LPP: variants seen among roughly 807,000 people sequenced by gnomAD.
LPP encodes LIM domain containing preferred translocation partner in lipoma.
In LPP, 38 loss-of-function variants were observed where a neutral mutation model predicts 60.4. The observed-to-expected ratio is 0.63, with a 90% CI of 0.49 to 0.83. The LOEUF is 0.83. LPP is among the 40% of genes least tolerant of loss of function. The probability of loss-of-function intolerance (pLI) is 0.00; values close to 1 mark genes in which losing one functional copy is unlikely to be tolerated. For synonymous variants in LPP, 328 were observed against 290.8 expected (o/e 1.13, Z -1.30); for missense variants, 902 against 783.6 (o/e 1.15, Z -1.80).
At chr3:188,582,459 G>A (rs1836470459) in intron 6 of LPP, among the ~76,000 whole-genome samples, 1 of 152,086 alleles carries the variant, frequency 6.6e-6, no homozygotes, top group Non-Finnish European at 1.5e-5. Context: ...GGGATTACAG[G>A]CATGAGCCAC....
intron 9 of LPP, among the ~76,000 whole-genome samples, chr3:188,811,334 A>G (rs1380014081): frequency 6.8e-6 from 1 of 147,486 alleles, no homozygotes. Flanking sequence ...AAAGCGAGAA[A>G]ATGATTAAGT....
At position 188,497,010 on chromosome 3, in the gene LPP, A is replaced by ATTT. The variant is rs5855203; in HGVS notation, c.306+12315_306+12317dup. 1.4e-3 allele frequency among the ~76,000 whole-genome samples: 201 copies of ATTT among 148,876 alleles called. 2 individuals carry two copies. The South Asian group carries it at 0.018, about 13-fold the overall frequency. On this transcript the variant is annotated intron_variant, in intron 5 of 11. Coordinates refer to ENST00000617246, the MANE Select transcript of LPP (RefSeq NM_001375462.1). ...CTAGTGGAAAAAAAGTTTCTGTGGC[A>ATTT]TTTTTTTTTTTAAGGAATACAGGAT...
At chr3:188,300,912 T>C (rs763951464) in intron 2 of LPP, among the ~76,000 whole-genome samples, 26 of 152,068 alleles carry the variant, frequency 1.7e-4, no homozygotes, top group Admixed American at 2.6e-4. Flanking sequence ...ATTGAAGGAG[T>C]AGTAAGCTGT....
chr3:188,472,386 GA>G lies in LPP; in HGVS notation c.194-12196del, dbSNP rs906155832. On this transcript the variant is annotated intron_variant, in intron 4 of 11. Coordinates refer to ENST00000617246, the MANE Select transcript of LPP (RefSeq NM_001375462.1). ...ACCTGTCAGCTCCAGTATTCCTTTG[GA>G]AAAAAAAAATACATGCCAAAAAACA... Among the ~76,000 whole-genome samples, 21 of 148,112 alleles carry G rather than the reference GA, an allele frequency of 1.4e-4. No individual in the cohort carries two copies. The South Asian group carries it at 1.5e-3, about 11-fold the overall frequency.
In LPP at chr3:188,307,334, A is replaced by C. The variant is rs80269987; in HGVS notation, c.-66-34329A>C. ...TAGAATGATTGGCGTGCCCTTAAAA[A>C]CAGTGTTGTCCAAAGTCCACCCCCA... On this transcript the variant is annotated intron_variant, in intron 2 of 11. Coordinates refer to ENST00000617246, the MANE Select transcript of LPP (RefSeq NM_001375462.1). Among the ~76,000 whole-genome samples, 423 of 152,276 alleles carry C rather than the reference A, an allele frequency of 2.8e-3. 3 individuals are homozygous for C. Among genetic ancestry groups the C allele is most frequent in the African/African-American group, 9.5e-3 (395 of 41,550 alleles).
At chr3:188,820,934 T>C (rs1753791834) in intron 9 of LPP, among the ~76,000 whole-genome samples, 1 of 152,152 alleles carries the variant, frequency 6.6e-6, no homozygotes, top group Admixed American at 6.5e-5. Context: ...TTTTCCATCA[T>C]GTCCATGTCA....
chr3:188,661,631 T>G (rs1156314708), intron 7 of LPP, among the ~76,000 whole-genome samples: 2 of 152,226 alleles, frequency 1.3e-5, no homozygotes, highest in African/African-American at 4.8e-5. Flanking sequence ...TTTTAATGGT[T>G]GTTTTTCTTA....
intron 2 of LPP, among the ~76,000 whole-genome samples, chr3:188,230,092 C>CT (rs112163584): frequency 0.019 from 2,794 of 146,120 alleles, 37 homozygotes; most frequent in Admixed American, 0.029. Flanking sequence ...GAAACATATT[C>CT]TTTTTTTTTT....
At chr3:188,776,281 A>G (rs1737753228) in intron 9 of LPP, among the ~76,000 whole-genome samples, 1 of 152,212 alleles carries the variant, frequency 6.6e-6, no homozygotes, top group Non-Finnish European at 1.5e-5. Context: ...GCAGCATTTG[A>G]GCAAAGCCTT....
chr3:188,234,171 A>G lies in LPP; in HGVS notation c.-67+8644A>G, dbSNP rs73887400. On this transcript the variant is annotated intron_variant, in intron 2 of 11. Transcript: ENST00000617246. ...CACCCCTGCTCCAAGGGCTATTCAC[A>G]GACTGTCAGAGTTAGGGAGGAGAAA... 6.9e-3 allele frequency among the ~76,000 whole-genome samples: 1,047 copies of G among 152,264 alleles called. 15 individuals carry two copies. Among genetic ancestry groups the G allele is most frequent in the African/African-American group, 0.024 (1,010 of 41,550 alleles).
At position 188,628,050 on chromosome 3, in the gene LPP, A is replaced by G. The variant is rs543205162; in HGVS notation, c.1113+18206A>G. Among the ~76,000 whole-genome samples the G allele has an allele frequency of 6.6e-5, 10 of 152,242 alleles. No homozygotes were observed. In the East Asian group the frequency reaches 1.9e-3, roughly 29 times the overall value. ...TGAAATTAAGGCAGAAATAAAAAAA[A>G]TCCTTTGAAACTAATGAAAACAGAT... On this transcript the variant is annotated intron_variant, in intron 7 of 11. Coordinates refer to ENST00000617246, the MANE Select transcript of LPP (RefSeq NM_001375462.1).
intron 8 of LPP, among the ~76,000 whole-genome samples, chr3:188,718,113 C>T (rs1714831448): frequency 6.6e-6 from 1 of 152,226 alleles, no homozygotes; most frequent in Non-Finnish European, 1.5e-5. Flanking sequence ...TGAGCCACTG[C>T]ACCCGGCCTG....
chr3:188,574,220 A>G (rs559251810), intron 6 of LPP, among the ~76,000 whole-genome samples: 1 of 152,240 alleles, frequency 6.6e-6, no homozygotes, highest in East Asian at 1.9e-4. Context: ...TGAAAAACGT[A>G]TATAATAACC....
chr3:188,479,907 C>G (rs1045096012), intron 4 of LPP, among the ~76,000 whole-genome samples: 1 of 152,192 alleles, frequency 6.6e-6, no homozygotes, highest in Admixed American at 6.5e-5. Flanking sequence ...TTACCCATAA[C>G]TAGTAATTTA....
At chr3:188,871,938 T>A (rs1768210929) in intron 10 of LPP, among the ~76,000 whole-genome samples, 1 of 152,226 alleles carries the variant, frequency 6.6e-6, no homozygotes, top group Non-Finnish European at 1.5e-5. Context: ...TATGTGTATG[T>A]GTGTTAGTAT....
In LPP at chr3:188,888,395, C is replaced by T. The variant is rs1770918934; in HGVS notation, c.*13916C>T. On this transcript the variant is annotated 3_prime_UTR_variant, in exon 12 of 12. Transcript: ENST00000617246. ...TGCCTTTTCTCTTTCTGTGCCGTCA[C>T]CTTTGAGAAAAACGATTGCACCTTC... 1 of 227,746 alleles carries T rather than the reference C, an allele frequency of 4.4e-6. No individual in the cohort carries two copies. The highest frequency in any genetic ancestry group is 1.3e-3 in the Middle Eastern group (1 of 742). 14.1% of individuals were successfully genotyped at this position (227,746 alleles called of 1,614,324 possible). A position where few individuals can be genotyped will look rare whatever the true frequency, so the allele number is the denominator to read the frequency against.
At chr3:188,311,566 T>C (rs1204310246) in intron 2 of LPP, among the ~76,000 whole-genome samples, 5 of 152,122 alleles carry the variant, frequency 3.3e-5, no homozygotes, top group African/African-American at 1.2e-4. Context: ...GTTGGAACAT[T>C]GCAGGCTATC....
Position 188,599,411 on chromosome 3 carries a change from T to C in LPP, c.430-9750T>C, listed in dbSNP as rs748714958. 2.8e-4 allele frequency among the ~76,000 whole-genome samples: 42 copies of C among 152,280 alleles called. 1 individual carries two copies. Among genetic ancestry groups the C allele is most frequent in the Admixed American group, 5.2e-4 (8 of 15,282 alleles). ...AAATGAAGATTTTCAAGGTAGCATC[T>C]GGGTGCTCCTAATTGACTTGATTTT... is the stretch of plus-strand genomic sequence containing the variant. On this transcript the variant is annotated intron_variant, in intron 6 of 11. Transcript: ENST00000617246.
Position 188,884,701 on chromosome 3 carries a change from T to C in LPP, c.*10222T>C. 1 of 227,292 alleles carries C rather than the reference T, an allele frequency of 4.4e-6. No individual in the cohort carries two copies. The highest frequency in any genetic ancestry group is 2.2e-5 in the African/African-American group (1 of 45,110). The allele number at this position is 227,292 out of a possible 1,614,324, so 14.1% of individuals were successfully genotyped here. Reference sequence around the variant, plus strand: ...TGGCATGTAGAGGTGACTCGATTCCTAAAAGAAGCCTCTCTCCCATGAACC... The same window carrying C: ...TGGCATGTAGAGGTGACTCGATTCCCAAAAGAAGCCTCTCTCCCATGAACC... On this transcript the variant is annotated 3_prime_UTR_variant, in exon 12 of 12. Coordinates refer to ENST00000617246, the MANE Select transcript of LPP (RefSeq NM_001375462.1).
Sources: allele counts gnomAD v4.1 joint callset (sites outside exome capture counted in the v4.1 genomes callset), GRCh38; gene constraint gnomAD v4.1.1; transcripts MANE v1.5; gene names NCBI Gene and HGNC (gene_info 2026-07-23, HGNC 2026-07-21).